The following ATAD2 variants were observed in gnomAD, a reference collection of about 807,000 sequenced individuals.
ATAD2 encodes the protein ATPase family AAA domain containing 2.
ATAD2 carries 62 observed loss-of-function variants against 168.9 expected under a neutral mutation model. That is an observed-to-expected ratio of 0.37 (90% CI 0.30 to 0.45). ATAD2 has a LOEUF of 0.45. ATAD2 is among the 20% of genes least tolerant of loss of function. The pLI is 1.00. For missense variants in ATAD2, 1,419 were observed against 1,667.8 expected, an observed-to-expected ratio of 0.85 and a Z score of 2.60; for synonymous variants, 613 against 571.6, an observed-to-expected ratio of 1.07 and a Z score of -1.03.
intron 1 of ATAD2, among the ~76,000 whole-genome samples, chr8:123,394,925 T>C (rs1812757115): frequency 6.6e-6 from 1 of 152,218 alleles, no homozygotes; most frequent in Non-Finnish European, 1.5e-5. Context: ...AGTGTAGTTT[T>C]TAACCCATTC....
In ATAD2 at chr8:123,350,935, G is replaced by C. The variant is rs534780947; in HGVS notation, c.1647-1491C>G. Among the ~76,000 whole-genome samples the C allele has an allele frequency of 2.0e-5, 3 of 151,446 alleles. No individual in the cohort carries two copies. In the South Asian group the frequency reaches 6.3e-4, roughly 32 times the overall value. On this transcript the variant is annotated intron_variant, in intron 13 of 27. Transcript: ENST00000287394. ...TTTAGTAGAGACGAGATTTCACCGT[G>C]TTAGCCAGGATGGTCTCCATCTTCT...
chr8:123,334,354 T>A (rs1274971647), intron 22 of ATAD2, 32 bp from the exon 23 acceptor site: 16 of 1,468,286 alleles, frequency 1.1e-5, no homozygotes, highest in Non-Finnish European at 1.4e-5. Flanking sequence ...TAATTTTTAA[T>A]TTCCCCCTTT....
intron 3 of ATAD2, 85 bp from the exon 4 acceptor site, chr8:123,371,920 G>A: frequency 7.9e-7 from 1 of 1,258,296 alleles, no homozygotes; most frequent in Non-Finnish European, 1.0e-6. Flanking sequence ...CAATTGAAAA[G>A]CTATACTTTC....
intron 2 of ATAD2, among the ~76,000 whole-genome samples, chr8:123,373,822 A>G (rs1010769839): frequency 3.9e-5 from 6 of 151,900 alleles, no homozygotes; most frequent in African/African-American, 7.3e-5. Context: ...TCTACTAAGC[A>G]AAACAGTATG....
At chr8:123,326,422 C>T (rs1428141793) in intron 25 of ATAD2, among the ~76,000 whole-genome samples, 1 of 151,912 alleles carries the variant, frequency 6.6e-6, no homozygotes, top group Non-Finnish European at 1.5e-5. Context: ...GTAATCCCAG[C>T]ACTTTGGGAG....
Position 123,344,967 on chromosome 8 carries a change from T to A in ATAD2, c.2635A>T (p.Thr879Ser). The change falls in exon 19 of 28, where the codon ACA (threonine) becomes TCA (serine). Residue 879 changes from threonine (T) to serine (S), a missense_variant. Thr to Ser is a moderately conservative substitution (Grantham distance 58). Coordinates refer to ENST00000287394, the MANE Select transcript of ATAD2 (RefSeq NM_014109.4). ...VGPTLKATFTTLLQNIPSFAP... is the reference protein window; with the variant it reads ...VGPTLKATFTSLLQNIPSFAP... ...AATGAAGGAATATTCTGTAATAATG[T>A]GGTAAATGTGGCTTTAAGTGTCGGT... is the stretch of plus-strand genomic sequence containing the variant. 6.2e-7 allele frequency: 1 copy of A among 1,614,084 alleles called. No individual in the cohort carries two copies. The highest frequency in any genetic ancestry group is 8.5e-7 in the Non-Finnish European group (1 of 1,179,902).
intron 12 of ATAD2, among the ~76,000 whole-genome samples, chr8:123,356,871 T>C (rs1379632938): frequency 1.3e-5 from 2 of 152,106 alleles, no homozygotes; most frequent in Non-Finnish European, 1.5e-5. Context: ...TGATATATGG[T>C]TTAATTTTCA....
chr8:123,370,162 A>G, intron 6 of ATAD2, 138 bp from the exon 7 acceptor site: 1 of 776,272 alleles, frequency 1.3e-6, no homozygotes, highest in Admixed American at 2.4e-5. Context: ...ACAAAAAAAA[A>G]CCAAACTTAT....
intron 4 of ATAD2, 116 bp from the exon 5 acceptor site, chr8:123,371,454 A>G (rs961628195): frequency 1.1e-6 from 1 of 876,700 alleles, no homozygotes; most frequent in African/African-American, 1.7e-5. Context: ...TATTTTTATA[A>G]GAAGCATTGA....
chr8:123,354,864 A>AAAAAAAATATATATATAT (rs1554644338), intron 13 of ATAD2, among the ~76,000 whole-genome samples: 1 of 64,710 alleles, frequency 1.5e-5, no homozygotes, highest in African/African-American at 8.7e-5. Context: ...AAAAAAAAAA[A>AAAAAAAATATATATATAT]ATATATATAT....
intron 1 of ATAD2, among the ~76,000 whole-genome samples, chr8:123,403,807 A>T (rs1241483963): frequency 6.6e-6 from 1 of 152,116 alleles, no homozygotes; most frequent in East Asian, 1.9e-4. Flanking sequence ...ATGGACATAG[A>T]TGGGGGATCT....
At chr8:123,377,839 GTTC>G (rs1378807973) in intron 2 of ATAD2, among the ~76,000 whole-genome samples, 3 of 152,176 alleles carry the variant, frequency 2.0e-5, no homozygotes, top group Non-Finnish European at 4.4e-5. Flanking sequence ...GTCTGATTCT[GTTC>G]TTATCTCATT....
intron 8 of ATAD2, among the ~76,000 whole-genome samples, chr8:123,363,486 G>A (rs1321150441): frequency 6.6e-6 from 1 of 152,136 alleles, no homozygotes; most frequent in Non-Finnish European, 1.5e-5. Context: ...TGGATAAGGG[G>A]TTGTGGAAAC....
Position 123,369,100 on chromosome 8 carries a change from G to A in ATAD2, c.1007C>T (p.Ser336Phe), listed in dbSNP as rs1326213569. 6.3e-7 allele frequency: 1 copy of A among 1,597,874 alleles called. No individual in the cohort carries two copies. The highest frequency in any genetic ancestry group is 1.1e-5 in the South Asian group (1 of 89,050). Residue 336 changes from serine to phenylalanine, a missense_variant, in exon 8 of 28, where the codon TCT becomes TTT. By Grantham distance (155) the Ser-to-Phe change is radical (BLOSUM62 -2). Coordinates refer to ENST00000287394, the MANE Select transcript of ATAD2 (RefSeq NM_014109.4). ...ASPARPRYRL[S>F]SAGPRSPYCK... ...GTAAGGACTTCTTGGTCCTGCGGAA[G>A]ATAATCGGTATCTTGGTCTTGCAGG... is the stretch of plus-strand genomic sequence containing the variant.
In ATAD2 at chr8:123,347,453, A is replaced by G. The variant is rs769177907; in HGVS notation, c.1898-47T>C. ...AGAAAAGAACCAGCCGACCAAACAA[A>G]GAAACACAAAACTCTATTAGCATGA... On this transcript the variant is annotated intron_variant, in intron 15 of 27. Transcript: ENST00000287394. 2.7e-6 allele frequency: 4 copies of G among 1,493,742 alleles called. No homozygotes were observed. The African/African-American group carries it at 5.6e-5, about 21-fold the overall frequency. 92.5% of individuals were successfully genotyped at this position (1,493,742 alleles called of 1,614,324 possible).
chr8:123,405,564 A>G (rs1437504717), intron 1 of ATAD2, among the ~76,000 whole-genome samples: 1 of 152,146 alleles, frequency 6.6e-6, no homozygotes, highest in Admixed American at 6.6e-5. Flanking sequence ...ACACCTGGCT[A>G]GTTTTCTAAC....
At chr8:123,366,072 C>A (rs1828968041) in intron 8 of ATAD2, among the ~76,000 whole-genome samples, 1 of 151,474 alleles carries the variant, frequency 6.6e-6, no homozygotes, top group African/African-American at 2.4e-5. Context: ...AACAAATTAG[C>A]AAGAAAAAAA....
At position 123,324,726 on chromosome 8, in the gene ATAD2, C is replaced by G. The variant is rs535293471; in HGVS notation, c.4002+1167G>C. On this transcript the variant is annotated intron_variant, in intron 26 of 27. Coordinates refer to ENST00000287394, the MANE Select transcript of ATAD2 (RefSeq NM_014109.4). ...ATAGTGTCAAGTGTTACAGATATGGCAAGAAGAATTCAATTTAACAAAGGC... is the reference window on the plus strand; with the variant it reads ...ATAGTGTCAAGTGTTACAGATATGGGAAGAAGAATTCAATTTAACAAAGGC... Among the ~76,000 whole-genome samples, 42 of 152,202 alleles carry G rather than the reference C, an allele frequency of 2.8e-4. 1 individual carries two copies. The East Asian group carries it at 8.1e-3, about 29-fold the overall frequency.
chr8:123,356,896 C>G (rs1227731373), intron 12 of ATAD2, among the ~76,000 whole-genome samples: 2 of 151,914 alleles, frequency 1.3e-5, no homozygotes, highest in East Asian at 3.9e-4. Flanking sequence ...CATTTTCAAC[C>G]AGAAGTATTC....
Sources: allele counts gnomAD v4.1 joint callset (sites outside exome capture counted in the v4.1 genomes callset), GRCh38; gene constraint gnomAD v4.1.1; transcripts MANE v1.5; gene names NCBI Gene and HGNC (gene_info 2026-07-23, HGNC 2026-07-21).